The following EPB41L3 variants were observed in gnomAD, a reference collection of about 807,000 sequenced individuals.
EPB41L3 encodes erythrocyte membrane protein band 4.1 like 3, also known as band 4.1-like protein 3.
A neutral mutation model predicts 127.1 loss-of-function variants in EPB41L3; 57 were observed. The ratio of observed to expected loss-of-function variants is 0.45; its 90% CI spans 0.36 to 0.56. The LOEUF is 0.56. Ranked by LOEUF, EPB41L3 falls within the 20% of genes least tolerant of loss-of-function variation. The probability of loss-of-function intolerance (pLI) is 0.00; values close to 1 mark genes in which losing one functional copy is unlikely to be tolerated. For missense variants in EPB41L3, 1,273 were observed against 1,372.2 expected (o/e 0.93, Z 1.14); for synonymous variants, 572 against 549.5 (o/e 1.04, Z -0.57).
chr18:5,458,091 C>T (rs747658862), intron 3 of EPB41L3, among the ~76,000 whole-genome samples: 19 of 152,086 alleles, frequency 1.2e-4, no homozygotes, highest in Non-Finnish European at 2.4e-4. Context: ...TCATTTCCTG[C>T]TTTAAGACTC....
At chr18:5,617,390 C>T (rs1197275499) in intron 1 of EPB41L3, among the ~76,000 whole-genome samples, 1 of 151,288 alleles carries the variant, frequency 6.6e-6, no homozygotes, top group Non-Finnish European at 1.5e-5. Context: ...GCCATCTCCG[C>T]TCACTGCAAG....
chr18:5,446,464 A>C (rs1292233137), intron 3 of EPB41L3, among the ~76,000 whole-genome samples: 4 of 152,250 alleles, frequency 2.6e-5, no homozygotes, highest in African/African-American at 9.6e-5. Flanking sequence ...CAAATAAACT[A>C]AATGAGTTTT....
At chr18:5,405,214 T>C (rs2075172322) in intron 16 of EPB41L3, among the ~76,000 whole-genome samples, 1 of 152,226 alleles carries the variant, frequency 6.6e-6, no homozygotes, top group African/African-American at 2.4e-5. Context: ...TTCTTATTTT[T>C]ACTGCAAGGA....
At chr18:5,449,813 A>C (rs2082040018) in intron 3 of EPB41L3, among the ~76,000 whole-genome samples, 1 of 152,242 alleles carries the variant, frequency 6.6e-6, no homozygotes, top group Non-Finnish European at 1.5e-5. Flanking sequence ...CTAAAACCAC[A>C]GATAGTAGTG....
intron 3 of EPB41L3, chr18:5,610,386 A>T: frequency 1.4e-6 from 1 of 728,276 alleles, no homozygotes; most frequent in Non-Finnish European, 1.7e-6. Flanking sequence ...GTTTCTGTAG[A>T]AAAACAGGGT....
At chr18:5,411,978 C>T (rs1236029215) in intron 13 of EPB41L3, among the ~76,000 whole-genome samples, 3 of 152,180 alleles carry the variant, frequency 2.0e-5, no homozygotes, top group African/African-American at 4.8e-5. Flanking sequence ...CGTGTTGACC[C>T]ATTTTCATGA....
intron 3 of EPB41L3, among the ~76,000 whole-genome samples, chr18:5,475,020 T>C (rs918414524): frequency 6.6e-6 from 1 of 152,230 alleles, no homozygotes; most frequent in African/African-American, 2.4e-5. Context: ...ATAAAAGTTA[T>C]GATAACCCTT....
At chr18:5,583,024 A>T (rs2094408920) in intron 3 of EPB41L3, among the ~76,000 whole-genome samples, 1 of 152,146 alleles carries the variant, frequency 6.6e-6, no homozygotes, top group Admixed American at 6.6e-5. Context: ...TGTGGGGGAA[A>T]AGTTGGTGAA....
At chr18:5,470,388 C>A (rs2085896437) in intron 3 of EPB41L3, among the ~76,000 whole-genome samples, 1 of 152,192 alleles carries the variant, frequency 6.6e-6, no homozygotes, top group South Asian at 2.1e-4. Context: ...ATGAGTACAG[C>A]TCTTTGGTAT....
chr18:5,416,936 A>G (rs2144799822), intron 12 of EPB41L3, among the ~76,000 whole-genome samples: 1 of 152,290 alleles, frequency 6.6e-6, no homozygotes, highest in African/African-American at 2.4e-5. Flanking sequence ...TTCCAAATCA[A>G]GAAGTTTCTG....
chr18:5,581,677 G>T (rs965444791), intron 3 of EPB41L3, among the ~76,000 whole-genome samples: 2 of 152,120 alleles, frequency 1.3e-5, no homozygotes, highest in Non-Finnish European at 2.9e-5. Flanking sequence ...CATAGTTTAG[G>T]TCTTCAAAAC....
intron 3 of EPB41L3, among the ~76,000 whole-genome samples, chr18:5,551,900 C>G (rs1403009324): frequency 6.6e-6 from 1 of 152,068 alleles, no homozygotes; most frequent in East Asian, 1.9e-4. Flanking sequence ...TAGATAAGAA[C>G]CTCTGGAGAG....
intron 3 of EPB41L3, among the ~76,000 whole-genome samples, chr18:5,582,462 C>T (rs891577080): frequency 2.0e-5 from 3 of 152,224 alleles, no homozygotes; most frequent in African/African-American, 7.2e-5. Flanking sequence ...AATTGAACCA[C>T]ATCTGGAGCC....
chr18:5,509,515 T>C (rs754257392), intron 1 of EPB41L3, among the ~76,000 whole-genome samples: 24 of 152,162 alleles, frequency 1.6e-4, no homozygotes, highest in Non-Finnish European at 2.9e-4. Flanking sequence ...ATCACACTAA[T>C]CTAAAAGGAA....
chr18:5,584,463 T>C (rs1052407181), intron 3 of EPB41L3, among the ~76,000 whole-genome samples: 13 of 152,202 alleles, frequency 8.5e-5, no homozygotes, highest in Admixed American at 7.9e-4. Context: ...AATAGATGGG[T>C]CATTTCATAG....
At chr18:5,423,147 C>CG (rs1049353723) in intron 11 of EPB41L3, among the ~76,000 whole-genome samples, 2 of 151,988 alleles carry the variant, frequency 1.3e-5, no homozygotes, top group Non-Finnish European at 1.5e-5. Flanking sequence ...TCTTCATTCC[C>CG]GAAGTGCCAT....
intron 1 of EPB41L3, among the ~76,000 whole-genome samples, chr18:5,532,015 C>T (rs1009946378): frequency 6.6e-5 from 10 of 152,082 alleles, no homozygotes; most frequent in South Asian, 4.1e-4. Context: ...TAGGGCCTGC[C>T]GTGTGTGAGG....
At chr18:5,523,992 TA>T (rs1226116721) in intron 1 of EPB41L3, among the ~76,000 whole-genome samples, 1 of 152,172 alleles carries the variant, frequency 6.6e-6, no homozygotes, top group Non-Finnish European at 1.5e-5. Flanking sequence ...TATATACATA[TA>T]TATGTGTGTG....
At chr18:5,407,214 A>G in intron 15 of EPB41L3, 2 of 533,034 alleles carry the variant, frequency 3.8e-6, no homozygotes, top group Non-Finnish European at 6.7e-6. Flanking sequence ...AAGGCAAACT[A>G]TAAAGAGTAC....
Sources: gnomAD v4.1 joint callset for allele counts (sites outside exome capture counted in the v4.1 genomes callset) on GRCh38, gnomAD v4.1.1 for gene constraint, MANE v1.5 for transcripts, NCBI Gene and HGNC (gene_info 2026-07-23, HGNC 2026-07-21) for gene names.